The following NCLN variants were observed in gnomAD, a reference collection of about 807,000 sequenced individuals.
The protein encoded by NCLN is nicalin.
NCLN carries 34 observed loss-of-function variants against 69.5 expected under a neutral mutation model. The observed-to-expected ratio is 0.49, with a 90% CI of 0.37 to 0.65. The LOEUF is 0.65. NCLN is among the 30% of genes least tolerant of loss of function. The probability of loss-of-function intolerance (pLI) is 0.00; values close to 1 mark genes in which losing one functional copy is unlikely to be tolerated. For synonymous variants in NCLN, 393 were observed against 358.3 expected (o/e 1.10, Z -1.09); for missense variants, 710 against 804.8 (o/e 0.88, Z 1.42).
At chr19:3,202,424 C>G (rs1188327364) in intron 6 of NCLN, among the ~76,000 whole-genome samples, 1 of 152,184 alleles carries the variant, frequency 6.6e-6, no homozygotes, top group Non-Finnish European at 1.5e-5. Context: ...CCCAGGAGCA[C>G]CCCCAGACGT....
intron 2 of NCLN, 149 bp from the exon 3 acceptor site, chr19:3,193,135 C>T (rs1405057815): frequency 1.4e-6 from 1 of 734,064 alleles, no homozygotes; most frequent in Non-Finnish European, 2.2e-6. Flanking sequence ...TGCCTGCCCT[C>T]CAGGGACAGT....
intron 4 of NCLN, among the ~76,000 whole-genome samples, chr19:3,197,012 C>G (rs1044704338): frequency 6.6e-6 from 1 of 152,202 alleles, no homozygotes; most frequent in South Asian, 2.1e-4. Flanking sequence ...CGGCTTAGGC[C>G]GGGGTGGGGA....
chr19:3,207,436 TGCCTACCTCGGCATG>T lies in NCLN; in HGVS notation c.1606_1620del (p.Leu536_Tyr540del). ...ACCTGCTCCTGGCTGTTGGCATTGC[TGCCTACCTCGGCATG>T]GCCTACGTGGCTGTCCAGGTGAGCA... On this transcript the variant is annotated inframe_deletion, in exon 14 of 15. Coordinates refer to ENST00000246117, the MANE Select transcript of NCLN (RefSeq NM_020170.4). 6.2e-7 allele frequency: 1 copy of T among 1,613,064 alleles called. No individual in the cohort carries two copies. Among genetic ancestry groups the T allele is most frequent in the Non-Finnish European group, 8.5e-7 (1 of 1,180,014 alleles).
At chr19:3,187,051 TC>T (rs1446010508) in intron 1 of NCLN, among the ~76,000 whole-genome samples, 2 of 152,014 alleles carry the variant, frequency 1.3e-5, no homozygotes, top group Non-Finnish European at 2.9e-5. Context: ...CCCCTTTCTG[TC>T]CCGCCTTTGA....
intron 12 of NCLN, 70 bp downstream of exon 12, chr19:3,206,495 C>T: frequency 1.3e-6 from 2 of 1,481,648 alleles, no homozygotes; most frequent in South Asian, 1.3e-5. Flanking sequence ...ACTGCATCTC[C>T]CACCCCCTCA....
chr19:3,198,563 G>A (rs577366367), intron 4 of NCLN, among the ~76,000 whole-genome samples: 3 of 150,220 alleles, frequency 2.0e-5, no homozygotes, highest in Non-Finnish European at 4.4e-5. Context: ...TGCTCTCCCC[G>A]ATTTTTAAAG....
rs893811690 is a variant in NCLN, at chr19:3,204,879, C to T, written c.1208+128C>T. On this transcript the variant is annotated intron_variant, in intron 9 of 14. Coordinates refer to ENST00000246117, the MANE Select transcript of NCLN (RefSeq NM_020170.4). ...CACACACAGGCTGCGAGGAAGGGGCCGGTGCGTGGCCAAGGCCGGCTGCAC... is the reference window on the plus strand; with the variant it reads ...CACACACAGGCTGCGAGGAAGGGGCTGGTGCGTGGCCAAGGCCGGCTGCAC... The T allele has an allele frequency of 4.8e-5, 50 of 1,039,396 alleles. 1 individual carries two copies. In the Admixed American group the frequency reaches 7.0e-4, roughly 15 times the overall value. 64.4% of individuals were successfully genotyped at this position (1,039,396 alleles called of 1,614,324 possible).
rs1402078576 is a variant in NCLN at position 3,192,509 on chromosome 19, T to C, written c.224T>C (p.Met75Thr). 2 of 1,607,852 alleles carry C rather than the reference T, an allele frequency of 1.2e-6. No individual in the cohort carries two copies. The highest frequency in any genetic ancestry group is 1.7e-6 in the Non-Finnish European group (2 of 1,178,144). ...GTGCTGAACACGGAGGCGCGCACGATGGCGGCGGAGGTGCTGAGCCGCCGC... is the reference window on the plus strand; with the variant it reads ...GTGCTGAACACGGAGGCGCGCACGACGGCGGCGGAGGTGCTGAGCCGCCGC... The part of the protein sequence containing the change: ...NAVLNTEART[M>T]AAEVLSRRCV... The change falls in exon 2 of 15, where the codon ATG becomes ACG. Residue 75 changes from methionine to threonine, a missense_variant. Physicochemically the swap from Met to Thr is moderately conservative, Grantham distance 81. Transcript: ENST00000246117.
Position 3,205,898 on chromosome 19 carries a change from C to T in NCLN, c.1209-41C>T. ...AAGTGTGAGAGCTACCTTGCCTGGC[C>T]CAAAGTCCACATTTTAAAACATTGT... On this transcript the variant is annotated intron_variant, in intron 9 of 14. Transcript: ENST00000246117. This position sits in a 1 kb window ranked among gnomAD's most constrained non-coding sequence, Gnocchi z 4.6. 3 of 1,602,364 alleles carry T rather than the reference C, an allele frequency of 1.9e-6. No individual in the cohort carries two copies. Among genetic ancestry groups the T allele is most frequent in the Non-Finnish European group, 2.6e-6 (3 of 1,170,256 alleles).
intron 1 of NCLN, among the ~76,000 whole-genome samples, chr19:3,188,950 G>C (rs947818996): frequency 6.6e-6 from 1 of 152,234 alleles, no homozygotes; most frequent in East Asian, 1.9e-4. Context: ...AAGCCCCAGC[G>C]TGCTGCCTTT....
At chr19:3,192,145 G>GCT (rs1201900311) in intron 1 of NCLN, among the ~76,000 whole-genome samples, 2 of 152,212 alleles carry the variant, frequency 1.3e-5, no homozygotes, top group African/African-American at 4.8e-5. Flanking sequence ...CCGAGATTGT[G>GCT]CTGCTGCACT....
At chr19:3,194,308 G>A (rs1043070218) in intron 3 of NCLN, among the ~76,000 whole-genome samples, 6 of 152,100 alleles carry the variant, frequency 3.9e-5, no homozygotes, top group Non-Finnish European at 7.4e-5. Flanking sequence ...ACTTGAACCC[G>A]GAAGGCGGAG....
Position 3,204,524 on chromosome 19 carries a change from G to T in NCLN, c.1030-49G>T, listed in dbSNP as rs768934646. The stretch of plus-strand genomic sequence containing the variant: ...TGGAGCATTTGGGGAATGGGCTGGG[G>T]TGGCCGCCATCCCCGCCTGCCCTCT... On this transcript the variant is annotated intron_variant, in intron 8 of 14. Coordinates refer to ENST00000246117, the MANE Select transcript of NCLN (RefSeq NM_020170.4). 6 of 1,484,648 alleles carry T rather than the reference G, an allele frequency of 4.0e-6. No homozygotes were observed. In the South Asian group the frequency reaches 6.8e-5, roughly 17 times the overall value. 92.0% of individuals were successfully genotyped at this position (1,484,648 alleles called of 1,614,324 possible).
chr19:3,201,651 A>ATGGGGTT, intron 6 of NCLN, 25 bp downstream of exon 6: 6 of 620,002 alleles, frequency 9.7e-6, no homozygotes, highest in Middle Eastern at 5.1e-4. Context: ...GGGCAGGGGG[A>ATGGGGTT]TGGGGGTGCG....
At chr19:3,199,394 C>G (rs576504684) in intron 5 of NCLN, among the ~76,000 whole-genome samples, 2 of 152,260 alleles carry the variant, frequency 1.3e-5, no homozygotes, top group South Asian at 4.1e-4. Flanking sequence ...CTGTCACCAG[C>G]GAGACTTCCA....
rs922950014 is a variant in NCLN at position 3,205,132 on chromosome 19, C to T, written c.1208+381C>T. ...CCGCCACCACACCCCGGCCCTTCCT[C>T]GCCCCGCCTCCCTCTGGGCACTGTG... On this transcript the variant is annotated intron_variant, in intron 9 of 14. Coordinates refer to ENST00000246117, the MANE Select transcript of NCLN (RefSeq NM_020170.4). This position sits in a 1 kb window ranked among gnomAD's most constrained non-coding sequence, Gnocchi z 4.6. 5.3e-5 allele frequency among the ~76,000 whole-genome samples: 8 copies of T among 152,248 alleles called. No individual in the cohort carries two copies. Among genetic ancestry groups the T allele is most frequent in the South Asian group, 2.1e-4 (1 of 4,824 alleles).
chr19:3,192,217 A>T lies in NCLN; in HGVS notation c.185-253A>T, dbSNP rs1468765648. 2.0e-5 allele frequency among the ~76,000 whole-genome samples: 3 copies of T among 152,206 alleles called. No individual in the cohort carries two copies. In the East Asian group the frequency reaches 5.8e-4, roughly 29 times the overall value. The stretch of plus-strand genomic sequence containing the variant: ...ACAAAACCAAAAAACAAAGATTCTC[A>T]GGAGGTCTGAGACCCAGGGTTCGCG... On this transcript the variant is annotated intron_variant, in intron 1 of 14. Coordinates refer to ENST00000246117, the MANE Select transcript of NCLN (RefSeq NM_020170.4).
intron 6 of NCLN, 29 bp from the exon 7 acceptor site, chr19:3,203,727 C>G (rs1916185002): frequency 1.9e-6 from 3 of 1,592,952 alleles, no homozygotes; most frequent in African/African-American, 1.3e-5. Context: ...GCTTGCCCGT[C>G]AAAGCTAACA....
At chr19:3,190,206 C>T (rs1915781440) in intron 1 of NCLN, among the ~76,000 whole-genome samples, 1 of 152,168 alleles carries the variant, frequency 6.6e-6, no homozygotes, top group African/African-American at 2.4e-5. Flanking sequence ...GCTGCCATGT[C>T]CCTGAGGGGC....
Sources: allele counts gnomAD v4.1 joint callset (sites outside exome capture counted in the v4.1 genomes callset), GRCh38; gene constraint gnomAD v4.1.1; non-coding constraint Gnocchi (gnomAD v3.1); transcripts MANE v1.5; gene names NCBI Gene and HGNC (gene_info 2026-07-23, HGNC 2026-07-21).